The following PCDH15 variants were observed in gnomAD, a reference collection of about 807,000 sequenced individuals.
PCDH15 encodes the protein protocadherin related 15.
In PCDH15, 129 loss-of-function variants were observed where a neutral mutation model predicts 178.5. That is an observed-to-expected ratio of 0.72 (90% CI 0.63 to 0.84). The LOEUF (loss-of-function observed/expected upper bound fraction) is 0.84, where lower values mean the gene tolerates loss of function less well. Among genes scored for constraint, PCDH15 ranks in the 40% least tolerant of loss-of-function variants. The pLI is 0.00. For missense variants in PCDH15, 2,230 were observed against 2,099.9 expected (o/e 1.06, Z -1.21); for synonymous variants, 800 against 732.0 (o/e 1.09, Z -1.50).
intron 3 of PCDH15, among the ~76,000 whole-genome samples, chr10:54,467,715 A>T (rs371852629): frequency 2.0e-5 from 3 of 150,812 alleles, no homozygotes; most frequent in Non-Finnish European, 3.0e-5. Context: ...CTCCTCCCCA[A>T]ATATTTAAAA....
intron 2 of PCDH15, among the ~76,000 whole-genome samples, chr10:55,428,888 C>T (rs896792907): frequency 4.0e-5 from 6 of 151,538 alleles, no homozygotes; most frequent in African/African-American, 1.2e-4. Flanking sequence ...ATTATTTTTC[C>T]ATTTTATGAT....
At chr10:55,504,393 A>C (rs1266319778) in intron 2 of PCDH15, among the ~76,000 whole-genome samples, 1 of 151,444 alleles carries the variant, frequency 6.6e-6, no homozygotes, top group Non-Finnish European at 1.5e-5. Context: ...AATAACTAAA[A>C]AGTGCTCACA....
chr10:55,577,837 A>G (rs904040355), intron 2 of PCDH15, among the ~76,000 whole-genome samples: 14 of 152,212 alleles, frequency 9.2e-5, no homozygotes, highest in Non-Finnish European at 4.4e-5. Flanking sequence ...AATAAGAATC[A>G]TAATGAATCT....
At chr10:54,748,812 G>A (rs528895222) in intron 1 of PCDH15, among the ~76,000 whole-genome samples, 65 of 152,218 alleles carry the variant, frequency 4.3e-4, no homozygotes, top group Middle Eastern at 3.4e-3. Flanking sequence ...TCATTTAAGT[G>A]GAGGATTTTT....
intron 2 of PCDH15, among the ~76,000 whole-genome samples, chr10:55,064,482 G>A (rs966259101): frequency 6.6e-5 from 10 of 151,912 alleles, no homozygotes; most frequent in African/African-American, 2.2e-4. Flanking sequence ...CTCATATTAG[G>A]TTGGGGCATA....
intron 16 of PCDH15, among the ~76,000 whole-genome samples, chr10:54,085,152 A>G (rs2094496199): frequency 6.6e-6 from 1 of 152,098 alleles, no homozygotes; most frequent in South Asian, 2.1e-4. Context: ...TAAAATAAAT[A>G]TCTTTCTTAT....
At chr10:55,620,037 C>A (rs1384750988) in intron 2 of PCDH15, among the ~76,000 whole-genome samples, 4 of 151,982 alleles carry the variant, frequency 2.6e-5, no homozygotes, top group Non-Finnish European at 5.9e-5. Flanking sequence ...ATTATAATAA[C>A]CAGTATGCCC....
chr10:54,398,370 A>T (rs903502811), intron 3 of PCDH15, among the ~76,000 whole-genome samples: 1 of 152,000 alleles, frequency 6.6e-6, no homozygotes, highest in African/African-American at 2.4e-5. Context: ...TGAATCTCAA[A>T]TAAACTTTAT....
Position 53,940,846 on chromosome 10 carries a change from C to G in PCDH15, c.3232+20G>C, listed in dbSNP as rs1197593702. 2 of 1,558,110 alleles carry G rather than the reference C, an allele frequency of 1.3e-6. No homozygotes were observed. Among genetic ancestry groups the G allele is most frequent in the African/African-American group, 2.7e-5 (2 of 73,790 alleles). ...AGTTTACTGGTTGATGGTGAGAACA[C>G]AAACTAAAAGTCTACTCACCTTCTT... is the stretch of plus-strand genomic sequence containing the variant. On this transcript the variant is annotated intron_variant, in intron 24 of 37. Coordinates refer to ENST00000644397, the MANE Select transcript of PCDH15 (RefSeq NM_001384140.1).
chr10:54,023,327 A>G, intron 18 of PCDH15, 130 bp from the exon 19 acceptor site: 2 of 763,930 alleles, frequency 2.6e-6, no homozygotes, highest in Non-Finnish European at 4.3e-6. Flanking sequence ...GGAGGAAATG[A>G]CAATGACAAT....
chr10:54,525,431 G>A (rs541254756), intron 3 of PCDH15, among the ~76,000 whole-genome samples: 1 of 152,258 alleles, frequency 6.6e-6, no homozygotes, highest in Non-Finnish European at 1.5e-5. Flanking sequence ...AGAGTATAGA[G>A]CAAGGCTAAA....
At chr10:53,930,896 A>G (rs999825139) in intron 25 of PCDH15, among the ~76,000 whole-genome samples, 4 of 152,206 alleles carry the variant, frequency 2.6e-5, no homozygotes, top group Admixed American at 6.5e-5. Context: ...TCTGTACAGC[A>G]AGCAGCAGGA....
In PCDH15 at chr10:53,891,796, TAAAAAAAAA is replaced by T. The variant is rs113664953; in HGVS notation, c.3501+11438_3501+11446del. 2.1e-5 allele frequency among the ~76,000 whole-genome samples: 3 copies of T among 145,770 alleles called. No homozygotes were observed. In the South Asian group the frequency reaches 6.3e-4, roughly 31 times the overall value. ...GGTGAAACCCTGTCTTTACTAAAAA[TAAAAAAAAA>T]AAAAAAATACAAAAAAGTTAGCTGG... On this transcript the variant is annotated intron_variant, in intron 26 of 37. Transcript: ENST00000644397.
intron 33 of PCDH15, among the ~76,000 whole-genome samples, chr10:53,818,829 T>C (rs967821861): frequency 6.6e-6 from 1 of 151,978 alleles, no homozygotes; most frequent in Non-Finnish European, 1.5e-5. Flanking sequence ...AAGAGGCACA[T>C]ATTACAAAGA....
At chr10:54,964,301 C>T (rs1177170053) in intron 2 of PCDH15, among the ~76,000 whole-genome samples, 3 of 152,174 alleles carry the variant, frequency 2.0e-5, no homozygotes, top group Admixed American at 6.5e-5. Flanking sequence ...CAGGACTAAA[C>T]ATTGCCAGAA....
At chr10:54,611,257 T>C (rs1196309742) in intron 2 of PCDH15, among the ~76,000 whole-genome samples, 1 of 151,806 alleles carries the variant, frequency 6.6e-6, no homozygotes, top group Non-Finnish European at 1.5e-5. Context: ...AGCAAAGATA[T>C]GTATCAGTAA....
chr10:55,323,480 G>A (rs930283271), upstream of PCDH15, among the ~76,000 whole-genome samples: 7 of 152,222 alleles, frequency 4.6e-5, no homozygotes, highest in South Asian at 1.4e-3. Context: ...AAGCCACAGA[G>A]GCAGAGCTGC....
At position 54,075,346 on chromosome 10, in the gene PCDH15, C is replaced by T. The variant is rs2094322114; in HGVS notation, c.2091+3985G>A. ...GAGCCGAGATCGCGCCACTGCACTC[C>T]AGCCTGGGTGACAGAGCAAAAATCC... On this transcript the variant is annotated intron_variant, in intron 17 of 37. Coordinates refer to ENST00000644397, the MANE Select transcript of PCDH15 (RefSeq NM_001384140.1). Among the ~76,000 whole-genome samples, 2 of 151,576 alleles carry T rather than the reference C, an allele frequency of 1.3e-5. 1 individual carries two copies. The highest frequency in any genetic ancestry group is 4.8e-5 in the African/African-American group (2 of 41,238).
intron 5 of PCDH15, among the ~76,000 whole-genome samples, chr10:54,359,262 A>C (rs1945587983): frequency 6.7e-6 from 1 of 148,502 alleles, no homozygotes; most frequent in Admixed American, 6.7e-5. Context: ...AAACCTTTAA[A>C]AAACTAAAAA....
Sources: gnomAD v4.1 joint callset for allele counts (sites outside exome capture counted in the v4.1 genomes callset) on GRCh38, gnomAD v4.1.1 for gene constraint, MANE v1.5 for transcripts, NCBI Gene and HGNC (gene_info 2026-07-23, HGNC 2026-07-21) for gene names.